ROBO1: variants seen among roughly 807,000 people sequenced by gnomAD.
The protein encoded by ROBO1 is roundabout guidance receptor 1, also known as roundabout homolog 1.
Under a neutral mutation model 195.9 loss-of-function variants are expected in ROBO1, and 149 were observed. The ratio of observed to expected loss-of-function variants is 0.76; its 90% CI spans 0.67 to 0.87. The LOEUF (loss-of-function observed/expected upper bound fraction) is 0.87. Among genes scored for constraint, ROBO1 ranks in the 40% least tolerant of loss-of-function variants. The pLI is 0.00. For synonymous variants in ROBO1, 816 were observed against 733.2 expected (o/e 1.11, Z -1.82); for missense variants, 1,933 against 2,068.3 (o/e 0.93, Z 1.27).
chr3:78,992,686 A>T (rs1400249727), intron 3 of ROBO1, among the ~76,000 whole-genome samples: 1 of 152,164 alleles, frequency 6.6e-6, no homozygotes, highest in Non-Finnish European at 1.5e-5. Flanking sequence ...ATACCCTTGG[A>T]GTTGTGGCCT....
chr3:79,141,799 T>C (rs2080533192), intron 2 of ROBO1, among the ~76,000 whole-genome samples: 1 of 152,144 alleles, frequency 6.6e-6, no homozygotes. Context: ...TTTTATAACA[T>C]AAAGCTGAAT....
chr3:79,690,200 A>G (rs1397160055), intron 1 of ROBO1, among the ~76,000 whole-genome samples: 1 of 151,962 alleles, frequency 6.6e-6, no homozygotes, highest in Non-Finnish European at 1.5e-5. Context: ...ACTACCTCAT[A>G]TGGAAAAAAA....
chr3:78,892,131 A>G (rs1419205864), intron 4 of ROBO1, among the ~76,000 whole-genome samples: 1 of 152,214 alleles, frequency 6.6e-6, no homozygotes, highest in Non-Finnish European at 1.5e-5. Context: ...AGGCTGAGGC[A>G]GGCAGATCGC....
At chr3:78,662,137 T>C (rs1349490272) in intron 14 of ROBO1, 23 bp from the exon 15 acceptor site, 1 of 1,550,096 alleles carries the variant, frequency 6.5e-7, no homozygotes, top group Non-Finnish European at 8.7e-7. Flanking sequence ...AAGAAAACTG[T>C]GTCAGGGTCT....
At chr3:78,891,699 G>A (rs889114956) in intron 4 of ROBO1, among the ~76,000 whole-genome samples, 10 of 152,214 alleles carry the variant, frequency 6.6e-5, no homozygotes, top group South Asian at 2.1e-4. Context: ...GTGTCCGTTC[G>A]TACAAGAATG....
intron 5 of ROBO1, among the ~76,000 whole-genome samples, chr3:78,738,871 T>C (rs543536938): frequency 6.6e-6 from 1 of 152,226 alleles, no homozygotes; most frequent in African/African-American, 2.4e-5. Flanking sequence ...ATGAAAAAAA[T>C]AGTTACTGAT....
At chr3:78,811,995 G>C (rs333492) in intron 4 of ROBO1, among the ~76,000 whole-genome samples, 147,016 of 152,206 alleles carry the variant, frequency 0.97, 71,205 homozygotes, top group East Asian at 1. Flanking sequence ...TTAATGTTAC[G>C]GTGGAATCGT....
At chr3:79,212,979 A>T (rs2081993024) in intron 2 of ROBO1, among the ~76,000 whole-genome samples, 1 of 151,892 alleles carries the variant, frequency 6.6e-6, no homozygotes, top group Non-Finnish European at 1.5e-5. Context: ...CCTAAAGAAA[A>T]ATTATTTTAA....
intron 2 of ROBO1, among the ~76,000 whole-genome samples, chr3:79,493,030 AAAT>A (rs1198101517): frequency 2.6e-5 from 4 of 152,102 alleles, no homozygotes; most frequent in African/African-American, 7.2e-5. Context: ...GTCAAAATAT[AAAT>A]AATAAGAAGC....
intron 4 of ROBO1, among the ~76,000 whole-genome samples, chr3:78,867,399 A>C (rs1188320026): frequency 2.6e-5 from 4 of 152,190 alleles, no homozygotes; most frequent in Non-Finnish European, 5.9e-5. Context: ...GAGGACTAAA[A>C]AGTGTTTGAT....
intron 5 of ROBO1, among the ~76,000 whole-genome samples, chr3:78,744,880 T>C (rs1404611818): frequency 6.6e-6 from 1 of 152,158 alleles, no homozygotes; most frequent in East Asian, 1.9e-4. Context: ...CTTTCTCTAT[T>C]TTTATAGGAT....
At chr3:79,112,721 C>T (rs1305114809) in intron 3 of ROBO1, among the ~76,000 whole-genome samples, 4 of 146,810 alleles carry the variant, frequency 2.7e-5, no homozygotes, top group Non-Finnish European at 4.5e-5. Context: ...AACACATGGA[C>T]ATAGGAAGGG....
At chr3:79,235,572 A>C (rs2082392813) in intron 2 of ROBO1, among the ~76,000 whole-genome samples, 1 of 152,122 alleles carries the variant, frequency 6.6e-6, no homozygotes, top group African/African-American at 2.4e-5. Flanking sequence ...TTTTACTCTT[A>C]TTCAAGAAAA....
chr3:78,638,229 ATATG>A (rs986027365), intron 22 of ROBO1, among the ~76,000 whole-genome samples: 8 of 137,366 alleles, frequency 5.8e-5, no homozygotes, highest in Admixed American at 2.8e-4. Context: ...TTATATACAT[ATATG>A]TATGTGTGTA....
chr3:79,332,138 G>A (rs1317189948), intron 2 of ROBO1, among the ~76,000 whole-genome samples: 2 of 121,350 alleles, frequency 1.6e-5, no homozygotes, highest in African/African-American at 7.2e-5. Flanking sequence ...GCAAGACTCC[G>A]TCTCAAAAAA....
At chr3:78,885,430 A>AC (rs1402820209) in intron 4 of ROBO1, among the ~76,000 whole-genome samples, 9 of 148,362 alleles carry the variant, frequency 6.1e-5, no homozygotes, top group Non-Finnish European at 7.5e-5. Flanking sequence ...AAAAAAAAAA[A>AC]AAAAAAAAAA....
intron 2 of ROBO1, among the ~76,000 whole-genome samples, chr3:79,491,146 T>C (rs1459576099): frequency 6.6e-6 from 1 of 151,920 alleles, no homozygotes; most frequent in Non-Finnish European, 1.5e-5. Flanking sequence ...TCTGGGCTAA[T>C]CTACCTGGTC....
At chr3:79,270,137 T>C (rs2030393742) in intron 2 of ROBO1, among the ~76,000 whole-genome samples, 1 of 151,570 alleles carries the variant, frequency 6.6e-6, no homozygotes, top group African/African-American at 2.4e-5. Flanking sequence ...ATAAGTGTTG[T>C]CGATGTTCCT....
At chr3:79,628,588 GT>G (rs1239089538) in intron 1 of ROBO1, among the ~76,000 whole-genome samples, 2 of 152,106 alleles carry the variant, frequency 1.3e-5, no homozygotes, top group Non-Finnish European at 2.9e-5. Context: ...TTCTGCACAT[GT>G]ATCCCAGTTT....
Sources: allele counts gnomAD v4.1 joint callset (sites outside exome capture counted in the v4.1 genomes callset), GRCh38; gene constraint gnomAD v4.1.1; transcripts MANE v1.5; gene names NCBI Gene and HGNC (gene_info 2026-07-23, HGNC 2026-07-21).